The following NLGN1 variants were observed in gnomAD, a reference collection of about 807,000 sequenced individuals.
The protein encoded by NLGN1 is neuroligin-1.
NLGN1 carries 12 observed loss-of-function variants against 65.5 expected under a neutral mutation model. The observed-to-expected ratio is 0.18, with a 90% CI of 0.12 to 0.30. NLGN1 has a LOEUF of 0.30. NLGN1 is among the 10% of genes least tolerant of loss of function. The pLI is 1.00. For synonymous variants in NLGN1, 350 were observed against 359.5 expected (o/e 0.97, Z 0.30); for missense variants, 750 against 1,007.1 (o/e 0.74, Z 3.46).
At chr3:174,245,248 G>T (rs1743584963) in intron 4 of NLGN1, among the ~76,000 whole-genome samples, 1 of 152,006 alleles carries the variant, frequency 6.6e-6, no homozygotes, top group Admixed American at 6.6e-5. Flanking sequence ...TACAGTCTTT[G>T]TAATTTTTAG....
chr3:173,613,717 A>T (rs1219727167), intron 3 of NLGN1, among the ~76,000 whole-genome samples: 1 of 152,116 alleles, frequency 6.6e-6, no homozygotes, highest in African/African-American at 2.4e-5. Context: ...TTCTTTGTTT[A>T]CTATAATCCT....
intron 3 of NLGN1, among the ~76,000 whole-genome samples, chr3:173,777,958 A>G (rs556393199): frequency 1.3e-5 from 2 of 151,978 alleles, no homozygotes; most frequent in Admixed American, 1.3e-4. Context: ...TAAACAATCA[A>G]TACTTCACTA....
chr3:173,401,020 G>A (rs1437013928), intron 1 of NLGN1, among the ~76,000 whole-genome samples: 1 of 152,100 alleles, frequency 6.6e-6, no homozygotes, highest in African/African-American at 2.4e-5. Context: ...GGTCACTGAT[G>A]TGCCTCCAAA....
At chr3:173,990,761 A>G (rs1720922542) in intron 4 of NLGN1, among the ~76,000 whole-genome samples, 1 of 152,174 alleles carries the variant, frequency 6.6e-6, no homozygotes, top group Non-Finnish European at 1.5e-5. Context: ...GAATATTCAT[A>G]TTCATAAATA....
intron 4 of NLGN1, among the ~76,000 whole-genome samples, chr3:174,097,131 A>T (rs920947888): frequency 6.6e-6 from 1 of 152,152 alleles, no homozygotes. Flanking sequence ...TGCTAGCTAG[A>T]TATAAATGAT....
At chr3:173,506,198 A>G (rs1732005594) in intron 2 of NLGN1, among the ~76,000 whole-genome samples, 1 of 151,990 alleles carries the variant, frequency 6.6e-6, no homozygotes, top group African/African-American at 2.4e-5. Flanking sequence ...CATACTTACG[A>G]GAGAAAAGAA....
At chr3:174,028,734 A>C (rs2152469446) in intron 4 of NLGN1, among the ~76,000 whole-genome samples, 1 of 152,330 alleles carries the variant, frequency 6.6e-6, no homozygotes, top group South Asian at 2.1e-4. Context: ...CCAGCTGCAA[A>C]AATTTGCATA....
chr3:174,205,220 T>C (rs1358010577), intron 4 of NLGN1, among the ~76,000 whole-genome samples: 1 of 152,180 alleles, frequency 6.6e-6, no homozygotes, highest in African/African-American at 2.4e-5. Flanking sequence ...AATTTAGATA[T>C]TCAAAACAAT....
At chr3:173,615,211 T>C (rs1480763198) in intron 3 of NLGN1, among the ~76,000 whole-genome samples, 1 of 152,000 alleles carries the variant, frequency 6.6e-6, no homozygotes, top group Non-Finnish European at 1.5e-5. Context: ...ATCAATTAAT[T>C]GATTGATTGA....
At chr3:173,764,700 G>A (rs1019569604) in intron 3 of NLGN1, among the ~76,000 whole-genome samples, 2 of 152,082 alleles carry the variant, frequency 1.3e-5, no homozygotes, top group Non-Finnish European at 2.9e-5. Context: ...CTCATTAAAT[G>A]GGTAGTAGAA....
chr3:173,821,135 T>G (rs559220136), intron 4 of NLGN1, among the ~76,000 whole-genome samples: 20 of 152,278 alleles, frequency 1.3e-4, no homozygotes, highest in African/African-American at 4.1e-4. Context: ...CTCGACTGAT[T>G]TATGTATTGG....
intron 4 of NLGN1, among the ~76,000 whole-genome samples, chr3:174,034,684 A>C (rs1031852411): frequency 6.6e-6 from 1 of 152,150 alleles, no homozygotes; most frequent in Admixed American, 6.6e-5. Flanking sequence ...AAAGAAATAT[A>C]GTTGATAAAC....
At chr3:173,708,727 A>G (rs1768455328) in intron 3 of NLGN1, among the ~76,000 whole-genome samples, 1 of 152,172 alleles carries the variant, frequency 6.6e-6, no homozygotes, top group South Asian at 2.1e-4. Flanking sequence ...TACAGGACCC[A>G]GGGGCCCACC....
chr3:174,170,175 G>C (rs1414891083), intron 4 of NLGN1, among the ~76,000 whole-genome samples: 1 of 151,502 alleles, frequency 6.6e-6, no homozygotes, highest in Non-Finnish European at 1.5e-5. Context: ...TCTTGCTGTT[G>C]CTAGGTGGTT....
At chr3:174,048,789 G>A (rs1023223562) in intron 4 of NLGN1, among the ~76,000 whole-genome samples, 18 of 151,842 alleles carry the variant, frequency 1.2e-4, no homozygotes, top group Non-Finnish European at 1.9e-4. Flanking sequence ...TACAATAATA[G>A]GTGTGATAAA....
intron 4 of NLGN1, among the ~76,000 whole-genome samples, chr3:174,274,270 T>C (rs1750080549): frequency 6.6e-6 from 1 of 151,354 alleles, no homozygotes; most frequent in African/African-American, 2.4e-5. Flanking sequence ...TATTAGAGAA[T>C]AGATGTTTGT....
intron 3 of NLGN1, among the ~76,000 whole-genome samples, chr3:173,663,276 G>A (rs1472669402): frequency 6.6e-6 from 1 of 151,952 alleles, no homozygotes; most frequent in Non-Finnish European, 1.5e-5. Context: ...ATAAGGAAAA[G>A]CTGTTTAAGA....
chr3:174,084,295 T>TC (rs373631013), intron 4 of NLGN1, among the ~76,000 whole-genome samples: 206 of 152,300 alleles, frequency 1.4e-3, no homozygotes, highest in African/African-American at 4.8e-3. Flanking sequence ...TACAGGCACT[T>TC]ACATTACAAC....
intron 2 of NLGN1, among the ~76,000 whole-genome samples, chr3:173,590,223 T>C (rs2149394428): frequency 6.6e-6 from 1 of 152,278 alleles, no homozygotes; most frequent in Non-Finnish European, 1.5e-5. Context: ...AGTCAGTGCA[T>C]CTGTCATTTC....
Sources: gnomAD v4.1 joint callset for allele counts (sites outside exome capture counted in the v4.1 genomes callset) on GRCh38, gnomAD v4.1.1 for gene constraint, MANE v1.5 for transcripts, NCBI Gene and HGNC (gene_info 2026-07-23, HGNC 2026-07-21) for gene names.